Variants in STK33 observed in about 807,000 individuals in gnomAD.
STK33 encodes serine/threonine kinase 33.
In STK33, 52 loss-of-function variants were observed where a neutral mutation model predicts 58.0. That is an observed-to-expected ratio of 0.90 (90% CI 0.72 to 1.13). The LOEUF is 1.13. Among genes scored for constraint, STK33 ranks in the 50% most tolerant of loss-of-function variants. STK33 has a pLI of 0.00. For synonymous variants in STK33, 215 were observed against 200.1 expected (o/e 1.07, Z -0.63); for missense variants, 630 against 604.2 (o/e 1.04, Z -0.45).
the STK33 span, among the ~76,000 whole-genome samples, chr11:8,383,621 G>C: frequency 6.6e-6 from 1 of 152,218 alleles, no homozygotes; most frequent in Admixed American, 6.5e-5. Flanking sequence ...TTTAGCTATT[G>C]AGGGCTTGTA....
At chr11:8,520,513 G>A (rs531952397) in intron 1 of STK33, among the ~76,000 whole-genome samples, 1 of 152,248 alleles carries the variant, frequency 6.6e-6, no homozygotes, top group Non-Finnish European at 1.5e-5. Context: ...GCAGGAGAAG[G>A]AAATAAAGGG....
chr11:8,514,173 T>C (rs1952572378), intron 1 of STK33, among the ~76,000 whole-genome samples: 1 of 152,236 alleles, frequency 6.6e-6, no homozygotes, highest in Admixed American at 6.5e-5. Flanking sequence ...GGCTGAATAG[T>C]ACTCCATTGT....
the STK33 span, among the ~76,000 whole-genome samples, chr11:8,364,950 C>T: frequency 6.8e-6 from 1 of 147,278 alleles, no homozygotes; most frequent in African/African-American, 2.5e-5. Context: ...CCCGCCCAAG[C>T]AAATCCCTAT....
chr11:8,513,973 G>A (rs968601923), intron 1 of STK33, among the ~76,000 whole-genome samples: 8 of 148,844 alleles, frequency 5.4e-5, no homozygotes, highest in African/African-American at 2.0e-4. Context: ...ACACCACTAC[G>A]CTTTCCAGCT....
chr11:8,343,434 G>T, the STK33 span, among the ~76,000 whole-genome samples: 2 of 152,250 alleles, frequency 1.3e-5, no homozygotes, highest in Non-Finnish European at 2.9e-5. Flanking sequence ...GAGTTCTGAG[G>T]TGACTGTGGC....
At chr11:8,476,504 C>T (rs1949290559) in intron 4 of STK33, among the ~76,000 whole-genome samples, 183 bp downstream of exon 4, 1 of 152,178 alleles carries the variant, frequency 6.6e-6, no homozygotes, top group African/African-American at 2.4e-5. Flanking sequence ...CTTGCTGCTC[C>T]TCTAATATGC....
chr11:8,396,331 A>G (rs1849335191), intron 15 of STK33, among the ~76,000 whole-genome samples: 1 of 152,210 alleles, frequency 6.6e-6, no homozygotes, highest in South Asian at 2.1e-4. Context: ...CTCAATATGC[A>G]AATGTTTATG....
chr11:8,337,428 G>A, the STK33 span, among the ~76,000 whole-genome samples: 1 of 152,150 alleles, frequency 6.6e-6, no homozygotes, highest in African/African-American at 2.4e-5. Flanking sequence ...AAGGATGCTG[G>A]TGGCAGCCAA....
chr11:8,415,920 T>C (rs1941055202), intron 14 of STK33, among the ~76,000 whole-genome samples: 1 of 152,166 alleles, frequency 6.6e-6, no homozygotes, highest in African/African-American at 2.4e-5. Flanking sequence ...CAACATGGTA[T>C]ATGAACTATA....
intron 8 of STK33, among the ~76,000 whole-genome samples, chr11:8,459,025 T>G (rs1438021736): frequency 6.6e-6 from 1 of 152,214 alleles, no homozygotes; most frequent in Non-Finnish European, 1.5e-5. Flanking sequence ...GACCATATTT[T>G]TTCCATTGAC....
chr11:8,554,118 G>A (rs1166398212), intron 1 of STK33, among the ~76,000 whole-genome samples: 1 of 151,774 alleles, frequency 6.6e-6, no homozygotes, highest in East Asian at 1.9e-4. Context: ...CAAATAACCT[G>A]ATCAAAAAAT....
intron 1 of STK33, among the ~76,000 whole-genome samples, chr11:8,509,003 C>A (rs1952090588): frequency 6.6e-6 from 1 of 151,676 alleles, no homozygotes; most frequent in East Asian, 1.9e-4. Context: ...GTAATCCCAG[C>A]TACTCAGGAG....
At chr11:8,483,655 A>C (rs1950000888) in intron 1 of STK33, among the ~76,000 whole-genome samples, 1 of 152,326 alleles carries the variant, frequency 6.6e-6, no homozygotes, top group South Asian at 2.1e-4. Context: ...ATGTCTGCTG[A>C]AAATATAAAC....
At chr11:8,520,494 G>A (rs1217840245) in intron 1 of STK33, among the ~76,000 whole-genome samples, 1 of 151,990 alleles carries the variant, frequency 6.6e-6, no homozygotes, top group Non-Finnish European at 1.5e-5. Context: ...TTCTGGCCAG[G>A]GCAATCAGGC....
chr11:8,584,964 C>G (rs2031232252), intron 1 of STK33, among the ~76,000 whole-genome samples: 1 of 151,570 alleles, frequency 6.6e-6, no homozygotes, highest in Non-Finnish European at 1.5e-5. Context: ...TCACTGTCCC[C>G]CAGGCTGGAG....
intron 1 of STK33, among the ~76,000 whole-genome samples, chr11:8,498,050 G>A (rs1440761642): frequency 6.6e-6 from 1 of 151,938 alleles, no homozygotes; most frequent in Non-Finnish European, 1.5e-5. Flanking sequence ...TACAAGGTAG[G>A]TTCAACAAAT....
chr11:8,566,865 A>C (rs551132053), intron 1 of STK33, among the ~76,000 whole-genome samples: 2 of 152,180 alleles, frequency 1.3e-5, no homozygotes, highest in African/African-American at 4.8e-5. Context: ...CGAACCTATG[A>C]CATTGTTAAA....
intron 1 of STK33, among the ~76,000 whole-genome samples, chr11:8,589,529 G>A (rs1469735374): frequency 6.6e-6 from 1 of 152,198 alleles, no homozygotes; most frequent in East Asian, 1.9e-4. Context: ...ACTGCTATTG[G>A]ATGTGAGGAT....
rs535592174 is a variant in STK33 at position 8,520,175 on chromosome 11, A to G, written c.-465-39561T>C. 2.8e-3 allele frequency among the ~76,000 whole-genome samples: 427 copies of G among 152,356 alleles called. 2 individuals are homozygous for G. Among genetic ancestry groups the G allele is most frequent in the Middle Eastern group, 6.8e-3 (2 of 294 alleles). On this transcript the variant is annotated intron_variant, in intron 1 of 15. Transcript: ENST00000687296. The stretch of plus-strand genomic sequence containing the variant: ...CAAGTCAGCTTCATCCCTGGGATGC[A>G]AGGCTGGTTCAACATATGCAAATCA...
Sources: allele counts gnomAD v4.1 joint callset (sites outside exome capture counted in the v4.1 genomes callset), GRCh38; gene constraint gnomAD v4.1.1; transcripts MANE v1.5; gene names NCBI Gene and HGNC (gene_info 2026-07-23, HGNC 2026-07-21).